Variants in DCUN1D3 observed in about 807,000 individuals in gnomAD.
The protein encoded by DCUN1D3 is DCN1-like protein 3.
Under a neutral mutation model 24.8 loss-of-function variants are expected in DCUN1D3, and 6 were observed. The ratio of observed to expected loss-of-function variants is 0.24; its 90% CI spans 0.13 to 0.48. DCUN1D3 has a LOEUF of 0.48. Among genes scored for constraint, DCUN1D3 ranks in the 20% least tolerant of loss-of-function variants. The pLI, the probability that DCUN1D3 is intolerant of heterozygous loss-of-function variation, is 0.99. For synonymous variants in DCUN1D3, 120 were observed against 144.9 expected, an observed-to-expected ratio of 0.83 and a Z score of 1.24; for missense variants, 258 against 379.4, an observed-to-expected ratio of 0.68 and a Z score of 2.66.
chr16:20,886,701 A>G lies in DCUN1D3; in HGVS notation c.-106+13503T>C, dbSNP rs58881468. Among the ~76,000 whole-genome samples the G allele has an allele frequency of 7.8e-3, 1,187 of 152,330 alleles. 17 individuals carry two copies. Among genetic ancestry groups the G allele is most frequent in the African/African-American group, 0.027 (1,120 of 41,572 alleles). ...ATGTTAACTATTCAGTTATTTCTCTATTGTTCTGTTTCCCTGTCCTGCCTT... is the reference window on the plus strand; with the variant it reads ...ATGTTAACTATTCAGTTATTTCTCTGTTGTTCTGTTTCCCTGTCCTGCCTT... On this transcript the variant is annotated intron_variant, in intron 1 of 2. Transcript: ENST00000324344.
At chr16:20,893,587 A>G (rs1354988121) in intron 1 of DCUN1D3, among the ~76,000 whole-genome samples, 1 of 152,196 alleles carries the variant, frequency 6.6e-6, no homozygotes, top group African/African-American at 2.4e-5. Context: ...AGCCCAATAT[A>G]ACAGAATATT....
intron 1 of DCUN1D3, among the ~76,000 whole-genome samples, chr16:20,897,494 T>A (rs2081921180): frequency 6.6e-6 from 1 of 152,172 alleles, no homozygotes; most frequent in Admixed American, 6.5e-5. Flanking sequence ...GTGTTATTAG[T>A]CATCAGAAGG....
At chr16:20,889,700 G>A (rs2081883081) in intron 1 of DCUN1D3, among the ~76,000 whole-genome samples, 1 of 152,118 alleles carries the variant, frequency 6.6e-6, no homozygotes, top group Admixed American at 6.5e-5. Context: ...TTTGTCCCTG[G>A]TTCCTGCCAG....
At chr16:20,893,796 T>C (rs1420147193) in intron 1 of DCUN1D3, among the ~76,000 whole-genome samples, 2 of 152,206 alleles carry the variant, frequency 1.3e-5, no homozygotes, top group African/African-American at 4.8e-5. Flanking sequence ...GAAGGGGAAT[T>C]AACAGCATTC....
At position 20,855,965 on chromosome 16, in the gene DCUN1D3, G is replaced by T. The variant is rs943368681; in HGVS notation, c.*3921C>A. 5 of 152,170 alleles carry T rather than the reference G, an allele frequency of 3.3e-5. No individual in the cohort carries two copies. The highest frequency in any genetic ancestry group is 1.2e-4 in the African/African-American group (5 of 41,432). The allele number at this position is 152,170 out of a possible 1,614,324, so 9.4% of individuals were successfully genotyped here. On this transcript the variant is annotated 3_prime_UTR_variant, in exon 3 of 3. Coordinates refer to ENST00000324344, the MANE Select transcript of DCUN1D3 (RefSeq NM_173475.4). The stretch of plus-strand genomic sequence containing the variant: ...AAGGAAGACCTTTGTCAGTTACCAA[G>T]ATGCTCAAGTCATAGCTAACCAAAC...
chr16:20,863,162 C>A (rs562938639), intron 1 of DCUN1D3, among the ~76,000 whole-genome samples: 5 of 152,278 alleles, frequency 3.3e-5, no homozygotes, highest in African/African-American at 9.6e-5. Flanking sequence ...CAAGCAGGGG[C>A]CTAAGCCAAG....
At chr16:20,862,706 C>T in intron 1 of DCUN1D3, 63 bp from the exon 2 acceptor site, 1 of 1,396,184 alleles carries the variant, frequency 7.2e-7, no homozygotes. Flanking sequence ...ACCCTACCTT[C>T]TAGGGTGCAC....
intron 1 of DCUN1D3, among the ~76,000 whole-genome samples, chr16:20,862,909 G>A (rs1013921318): frequency 6.6e-6 from 1 of 152,202 alleles, no homozygotes; most frequent in Admixed American, 6.5e-5. Flanking sequence ...CGATTCATAT[G>A]TAGAATGCAT....
At position 20,876,433 on chromosome 16, in the gene DCUN1D3, GAA is replaced by G. The variant is rs35457469; in HGVS notation, c.-105-13792_-105-13791del. 9.3e-3 allele frequency among the ~76,000 whole-genome samples: 1,307 copies of G among 140,228 alleles called. 13 individuals are homozygous for G. Among genetic ancestry groups the G allele is most frequent in the African/African-American group, 0.031 (1,165 of 37,616 alleles). The allele number at this position is 140,228 out of a possible 152,430, so 92.0% of individuals were successfully genotyped here. ...ATCTCACCCCAGTTAAAATGGTTAT[GAA>G]AAAAAAAAAAAACAGAATAATGAAT... is the stretch of plus-strand genomic sequence containing the variant. On this transcript the variant is annotated intron_variant, in intron 1 of 2. Transcript: ENST00000324344.
At chr16:20,873,341 T>A (rs755324421) in intron 1 of DCUN1D3, among the ~76,000 whole-genome samples, 11 of 152,216 alleles carry the variant, frequency 7.2e-5, no homozygotes, top group Non-Finnish European at 1.5e-4. Flanking sequence ...ACAAAGATGA[T>A]GACCATCTTA....
At chr16:20,870,640 G>A (rs1489418481) in intron 1 of DCUN1D3, among the ~76,000 whole-genome samples, 1 of 152,180 alleles carries the variant, frequency 6.6e-6, no homozygotes, top group Non-Finnish European at 1.5e-5. Flanking sequence ...TCTGCTCTGA[G>A]GCTTCCTTGA....
chr16:20,877,539 T>C (rs569211121), intron 1 of DCUN1D3, among the ~76,000 whole-genome samples: 1 of 152,348 alleles, frequency 6.6e-6, no homozygotes, highest in East Asian at 1.9e-4. Flanking sequence ...CATTGATAAG[T>C]ATCTGTAGAA....
At chr16:20,884,697 G>A (rs1214111578) in intron 1 of DCUN1D3, among the ~76,000 whole-genome samples, 2 of 152,262 alleles carry the variant, frequency 1.3e-5, no homozygotes, top group South Asian at 2.1e-4. Context: ...CACAGGTCAC[G>A]ACACCTCTCT....
chr16:20,878,901 C>T (rs1479503372), intron 1 of DCUN1D3, among the ~76,000 whole-genome samples: 1 of 152,176 alleles, frequency 6.6e-6, no homozygotes, highest in South Asian at 2.1e-4. Flanking sequence ...AAGTCCTCAA[C>T]GGGGCCCCCA....
chr16:20,882,201 T>C (rs2081847454), intron 1 of DCUN1D3, among the ~76,000 whole-genome samples: 1 of 151,966 alleles, frequency 6.6e-6, no homozygotes, highest in East Asian at 1.9e-4. Flanking sequence ...CAGGACTCCT[T>C]CCTGACTGAG....
chr16:20,871,802 T>G (rs1005031795), intron 1 of DCUN1D3, among the ~76,000 whole-genome samples: 1 of 152,228 alleles, frequency 6.6e-6, no homozygotes, highest in Non-Finnish European at 1.5e-5. Flanking sequence ...TCACTATTGA[T>G]CTGGGCATTT....
intron 1 of DCUN1D3, among the ~76,000 whole-genome samples, chr16:20,880,145 C>T (rs2081835723): frequency 6.6e-6 from 1 of 152,110 alleles, no homozygotes; most frequent in Non-Finnish European, 1.5e-5. Flanking sequence ...GGCTTAAATG[C>T]ATTACACATT....
intron 1 of DCUN1D3, among the ~76,000 whole-genome samples, chr16:20,868,727 C>T (rs2081774458): frequency 6.6e-6 from 1 of 152,090 alleles, no homozygotes; most frequent in Admixed American, 6.5e-5. Flanking sequence ...CAATAAGTGA[C>T]CATTCTCCTG....
intron 1 of DCUN1D3, among the ~76,000 whole-genome samples, chr16:20,885,560 A>C (rs1221675160): frequency 6.6e-6 from 1 of 152,130 alleles, no homozygotes; most frequent in Non-Finnish European, 1.5e-5. Flanking sequence ...AAAAAAAAAA[A>C]AACATAAACT....
Sources: gnomAD v4.1 joint callset for allele counts (sites outside exome capture counted in the v4.1 genomes callset) on GRCh38, gnomAD v4.1.1 for gene constraint, MANE v1.5 for transcripts, NCBI Gene and HGNC (gene_info 2026-07-23, HGNC 2026-07-21) for gene names.